Variants in FHOD3 observed in about 807,000 individuals in gnomAD.
The protein encoded by FHOD3 is FH1/FH2 domain-containing protein 3.
In FHOD3, 90 loss-of-function variants were observed where a neutral mutation model predicts 173.0. The observed-to-expected ratio is 0.52, with a 90% CI of 0.44 to 0.62. FHOD3 has a LOEUF of 0.62. FHOD3 is among the 20% of genes least tolerant of loss of function. The pLI, the probability that FHOD3 is intolerant of heterozygous loss-of-function variation, is 0.00. For synonymous variants in FHOD3, 828 were observed against 823.0 expected, an observed-to-expected ratio of 1.01 and a Z score of -0.10; for missense variants, 1,945 against 2,034.7, an observed-to-expected ratio of 0.96 and a Z score of 0.85.
intron 14 of FHOD3, among the ~76,000 whole-genome samples, chr18:36,673,310 T>G (rs2037652307): frequency 6.6e-6 from 1 of 152,208 alleles, no homozygotes; most frequent in Admixed American, 6.5e-5. Context: ...AAAACCCCAT[T>G]GTGTTATGGA....
chr18:36,727,393 G>A (rs1220628431), intron 19 of FHOD3, among the ~76,000 whole-genome samples: 1 of 152,166 alleles, frequency 6.6e-6, no homozygotes, highest in Non-Finnish European at 1.5e-5. Context: ...CTCATCTTGG[G>A]CAGTACTAAC....
At chr18:36,628,053 C>T (rs796711296) in intron 10 of FHOD3, among the ~76,000 whole-genome samples, 5 of 152,282 alleles carry the variant, frequency 3.3e-5, no homozygotes, top group African/African-American at 1.2e-4. Flanking sequence ...CCAAGTGATG[C>T]CAACTTTTGT....
chr18:36,730,532 A>G (rs898907575), intron 19 of FHOD3, 114 bp from the exon 20 acceptor site: 3 of 1,029,932 alleles, frequency 2.9e-6, no homozygotes, highest in Non-Finnish European at 4.3e-6. Context: ...CTCTGAGCTG[A>G]ACTGGGGCCA....
intron 3 of FHOD3, among the ~76,000 whole-genome samples, chr18:36,485,227 G>T (rs139967818): frequency 3.0e-3 from 457 of 152,292 alleles, no homozygotes; most frequent in Non-Finnish European, 5.7e-3. Flanking sequence ...GCCTGAAATA[G>T]TTCCACCAGC....
chr18:36,498,043 T>C (rs1404265449), intron 3 of FHOD3, among the ~76,000 whole-genome samples: 1 of 152,136 alleles, frequency 6.6e-6, no homozygotes, highest in Non-Finnish European at 1.5e-5. Context: ...GTAACAGATA[T>C]CTGGAAAATC....
At chr18:36,527,751 T>C (rs188411521) in intron 5 of FHOD3, among the ~76,000 whole-genome samples, 1 of 152,236 alleles carries the variant, frequency 6.6e-6, no homozygotes, top group East Asian at 1.9e-4. Flanking sequence ...TGTGGTAGAA[T>C]ACCCTCTATT....
At chr18:36,427,070 A>G (rs887157624) in intron 3 of FHOD3, among the ~76,000 whole-genome samples, 1 of 152,192 alleles carries the variant, frequency 6.6e-6, no homozygotes, top group Non-Finnish European at 1.5e-5. Context: ...AGAAGATTTG[A>G]GACAGTGATT....
chr18:36,624,377 T>G (rs1298769942), intron 9 of FHOD3, among the ~76,000 whole-genome samples: 2 of 152,208 alleles, frequency 1.3e-5, no homozygotes, highest in Non-Finnish European at 2.9e-5. Flanking sequence ...ACAGCCAGCA[T>G]GCACACCAAG....
At chr18:36,647,618 C>T (rs1172798299) in intron 10 of FHOD3, among the ~76,000 whole-genome samples, 2 of 152,144 alleles carry the variant, frequency 1.3e-5, no homozygotes, top group African/African-American at 2.4e-5. Flanking sequence ...GTAATATATA[C>T]ATATGTTCAC....
intron 2 of FHOD3, among the ~76,000 whole-genome samples, chr18:36,355,943 A>G: frequency 6.6e-6 from 1 of 152,014 alleles, no homozygotes; most frequent in East Asian, 1.9e-4. Flanking sequence ...TTAAATCGAT[A>G]TTTTCCAGCC....
intron 20 of FHOD3, among the ~76,000 whole-genome samples, chr18:36,735,292 C>T (rs2041574272): frequency 1.3e-5 from 2 of 152,200 alleles, no homozygotes; most frequent in South Asian, 4.1e-4. Context: ...CACAGGTGCC[C>T]AGCTGCGCAG....
intron 3 of FHOD3, among the ~76,000 whole-genome samples, chr18:36,437,954 G>C (rs1014364402): frequency 6.6e-6 from 1 of 151,974 alleles, no homozygotes; most frequent in East Asian, 1.9e-4. Flanking sequence ...GAGCCACCGC[G>C]CCTGGCCGAG....
intron 16 of FHOD3, among the ~76,000 whole-genome samples, chr18:36,691,897 T>C (rs1322214446): frequency 6.6e-6 from 1 of 152,236 alleles, no homozygotes; most frequent in East Asian, 1.9e-4. Context: ...ATCCTATTAT[T>C]TGCTTTTTGA....
chr18:36,710,158 A>T (rs571126827), intron 18 of FHOD3: 3 of 152,244 alleles, frequency 2.0e-5, no homozygotes, highest in Non-Finnish European at 4.4e-5. Context: ...AGGACTTGAG[A>T]AGGGTGCCAC....
rs200570604 is a variant in FHOD3 at position 36,754,975 on chromosome 18, CTTT to C, written c.4233-143_4233-141del. On this transcript the variant is annotated intron_variant, in intron 24 of 28. Coordinates refer to ENST00000590592, the MANE Select transcript of FHOD3 (RefSeq NM_001281740.3). ...TACTGAGAGTGTGGCTTGTTGGTTTCTTTATTATTATTATTATTATTATTATTA... is the reference window on the plus strand; with the variant it reads ...TACTGAGAGTGTGGCTTGTTGGTTTCATTATTATTATTATTATTATTATTA... The C allele has an allele frequency of 7.2e-3, 1,120 of 154,692 alleles. 14 individuals are homozygous for C. The highest frequency in any genetic ancestry group is 0.037 in the African/African-American group (1,042 of 28,328). The allele number at this position is 154,692 out of a possible 1,614,324, so 9.6% of individuals were successfully genotyped here.
In FHOD3 at chr18:36,718,592, G is replaced by T. The variant is rs1454104885; in HGVS notation, c.3294G>T (p.Trp1098Cys). ...LFWNEVRPFD[W>C]PCKNNRRCRE... ...GGAATGAAGTTCGGCCTTTTGACTG[G>T]CCATGTAAAAACAACCGACGCTGCA... The change falls in exon 19 of 29, where the codon TGG becomes TGT. Residue 1098 changes from tryptophan (W) to cysteine (C), a missense_variant. Transcript: ENST00000590592. 1.5e-5 allele frequency: 25 copies of T among 1,613,982 alleles called. No individual in the cohort carries two copies. Among genetic ancestry groups the T allele is most frequent in the Non-Finnish European group, 2.1e-5 (25 of 1,180,034 alleles).
intron 3 of FHOD3, among the ~76,000 whole-genome samples, chr18:36,457,098 T>C (rs1443008839): frequency 1.3e-5 from 2 of 151,872 alleles, no homozygotes; most frequent in African/African-American, 2.4e-5. Flanking sequence ...AAGCCCATAA[T>C]GTTTTGGGAG....
intron 3 of FHOD3, among the ~76,000 whole-genome samples, chr18:36,489,984 C>T (rs766904637): frequency 6.6e-6 from 1 of 152,180 alleles, no homozygotes; most frequent in Non-Finnish European, 1.5e-5. Flanking sequence ...ACACTGCTGG[C>T]TGCCTCGGGG....
chr18:36,356,198 AT>A (rs1160480103), intron 2 of FHOD3, among the ~76,000 whole-genome samples: 2 of 152,284 alleles, frequency 1.3e-5, no homozygotes. Context: ...TTCTTAGCAG[AT>A]GCTATAGTAG....
Sources: allele counts gnomAD v4.1 joint callset (sites outside exome capture counted in the v4.1 genomes callset), GRCh38; gene constraint gnomAD v4.1.1; transcripts MANE v1.5; gene names NCBI Gene and HGNC (gene_info 2026-07-23, HGNC 2026-07-21).